S100G: variants seen among roughly 807,000 people sequenced by gnomAD.
S100G encodes the protein protein S100-G.
A neutral mutation model predicts 4.4 loss-of-function variants in S100G; 4 were observed. The ratio of observed to expected loss-of-function variants is 0.91; its 90% CI spans 0.45 to 2.09. S100G has a LOEUF of 2.09. Ranked by LOEUF, S100G falls within the 30% of genes most tolerant of loss-of-function variation. The pLI is 0.03. For synonymous variants in S100G, 24 were observed against 20.1 expected (o/e 1.20, Z -0.53); for missense variants, 48 against 49.8 (o/e 0.96, Z 0.11).
chrX:16,651,712 G>T (rs994453500), intron 2 of S100G, among the ~76,000 whole-genome samples: 13 of 112,131 alleles, frequency 1.2e-4, no homozygotes, highest in Non-Finnish European at 3.8e-5. Context: ...TTCAAGAAAG[G>T]ACTAAATTTC....
intron 2 of S100G, among the ~76,000 whole-genome samples, chrX:16,652,025 G>C (rs769556636): frequency 1.8e-5 from 2 of 109,673 alleles, no homozygotes; most frequent in Non-Finnish European, 3.8e-5. Flanking sequence ...GGATGGGGGG[G>C]GCCAGTGGAT....
Position 16,654,390 on chromosome X carries a change from T to C in S100G, c.136-15T>C. ...TTCTCCCCTCCCTTCTCCCATCCTT[T>C]TTTATGTAAAACAGGGTCCAAACAC... is the stretch of plus-strand genomic sequence containing the variant. On this transcript the variant is annotated splice_polypyrimidine_tract_variant and intron_variant, in intron 2 of 2. Transcript: ENST00000380200. The C allele has an allele frequency of 9.1e-7, 1 of 1,103,220 alleles. No individual in the cohort carries two copies. The highest frequency in any genetic ancestry group is 1.8e-5 in the African/African-American group (1 of 54,496). The allele number at this position is 1,103,220 out of a possible 1,213,427, so 90.9% of individuals were successfully genotyped here.
Position 16,654,464 on chromosome X carries a change from T to A in S100G, c.195T>A (p.Val65=). ...QELDKNGDGE[V]SFEEFQVLVK... Reference sequence around the variant, plus strand: ...TGGACAAGAATGGAGATGGAGAAGTTAGTTTTGAAGAATTCCAAGTATTAG... The same window carrying A: ...TGGACAAGAATGGAGATGGAGAAGTAAGTTTTGAAGAATTCCAAGTATTAG... The change falls in exon 3 of 3, where the codon GTT becomes GTA. Residue 65 remains valine (V), a synonymous_variant. Coordinates refer to ENST00000380200, the MANE Select transcript of S100G (RefSeq NM_004057.3). 8.3e-7 allele frequency: 1 copy of A among 1,202,449 alleles called. No individual in the cohort carries two copies. Among genetic ancestry groups the A allele is most frequent in the South Asian group, 1.8e-5 (1 of 56,221 alleles).
intron 2 of S100G, among the ~76,000 whole-genome samples, chrX:16,653,112 A>G (rs1302597665): frequency 9.1e-6 from 1 of 110,161 alleles, no homozygotes; most frequent in Non-Finnish European, 1.9e-5. Flanking sequence ...ATATATACAT[A>G]TATATATATA....
At chrX:16,653,066 C>A (rs1290189364) in intron 2 of S100G, among the ~76,000 whole-genome samples, 2 of 110,275 alleles carry the variant, frequency 1.8e-5, no homozygotes, top group Non-Finnish European at 3.8e-5. Context: ...TGATTAAGAG[C>A]GTAAATTCAA....
At chrX:16,652,545 G>A (rs1164159256) in intron 2 of S100G, among the ~76,000 whole-genome samples, 1 of 112,039 alleles carries the variant, frequency 8.9e-6, no homozygotes, top group Admixed American at 9.5e-5. Context: ...AAACAAGTTA[G>A]TGAAAAAATT....
chrX:16,651,028 G>A lies in S100G; in HGVS notation c.22G>A (p.Glu8Lys). Residue 8 changes from glutamate to lysine, a missense_variant, in exon 2 of 3, where the codon GAG becomes AAG. By Grantham distance (56) the Glu-to-Lys change is moderately conservative (BLOSUM62 1). Coordinates refer to ENST00000380200, the MANE Select transcript of S100G (RefSeq NM_004057.3). Reference sequence around the variant, plus strand: ...CAGAATGAGTACTAAAAAGTCTCCTGAGGAACTGAAGAGGATTTTTGAAAA... The same window carrying A: ...CAGAATGAGTACTAAAAAGTCTCCTAAGGAACTGAAGAGGATTTTTGAAAA... MSTKKSP[E>K]ELKRIFEKYA... The A allele has an allele frequency of 8.3e-7, 1 of 1,206,147 alleles. No individual in the cohort carries two copies. The highest frequency in any genetic ancestry group is 1.1e-6 in the Non-Finnish European group (1 of 890,874).
chrX:16,653,480 C>T (rs1243724698), intron 2 of S100G, among the ~76,000 whole-genome samples: 1 of 111,963 alleles, frequency 8.9e-6, no homozygotes, highest in Non-Finnish European at 1.9e-5. Context: ...TGTGGTGGCA[C>T]ACGCCTTTAG....
At chrX:16,652,109 C>T (rs985340693) in intron 2 of S100G, among the ~76,000 whole-genome samples, 13 of 111,575 alleles carry the variant, frequency 1.2e-4, no homozygotes, top group Non-Finnish European at 2.4e-4. Context: ...TAGCTGAAGG[C>T]AGGCCAGGTG....
intron 2 of S100G, among the ~76,000 whole-genome samples, chrX:16,652,147 A>T (rs1437282118): frequency 8.9e-6 from 1 of 111,946 alleles, no homozygotes; most frequent in Admixed American, 9.5e-5. Flanking sequence ...GTCAGATACA[A>T]GGACAGAGAG....
chrX:16,652,163 C>G (rs1259694221), intron 2 of S100G, among the ~76,000 whole-genome samples: 1 of 111,582 alleles, frequency 9.0e-6, no homozygotes, highest in Non-Finnish European at 1.9e-5. Flanking sequence ...GAGAGGGAAG[C>G]CCAAGGTCAG....
intron 2 of S100G, among the ~76,000 whole-genome samples, chrX:16,653,315 G>T (rs1194720659): frequency 1.8e-5 from 2 of 111,559 alleles, no homozygotes; most frequent in African/African-American, 3.2e-5. Context: ...GCCTGCACAC[G>T]ATCTCACACG....
In S100G at chrX:16,654,581, TC is replaced by T; in HGVS notation, c.*77del. The T allele has an allele frequency of 1.9e-6, 1 of 533,202 alleles. No homozygotes were observed. The allele number at this position is 533,202 out of a possible 1,213,427, so 43.9% of individuals were successfully genotyped here. On this transcript the variant is annotated 3_prime_UTR_variant, in exon 3 of 3. Transcript: ENST00000380200. ...TGCTGTGGTCTTATCCTATGTGGAA[TC>T]CCCCAAAGTCTCTGGTTTAATTCTT... is the stretch of plus-strand genomic sequence containing the variant.
At position 16,654,573 on chromosome X, in the gene S100G, A is replaced by C; in HGVS notation, c.*64A>C. 1 of 603,053 alleles carries C rather than the reference A, an allele frequency of 1.7e-6. No homozygotes were observed. The highest frequency in any genetic ancestry group is 2.6e-6 in the Non-Finnish European group (1 of 384,381). The allele number at this position is 603,053 out of a possible 1,213,427, so 49.7% of individuals were successfully genotyped here. A position where few individuals can be genotyped will look rare whatever the true frequency, so the allele number is the denominator to read the frequency against. On this transcript the variant is annotated 3_prime_UTR_variant, in exon 3 of 3. Coordinates refer to ENST00000380200, the MANE Select transcript of S100G (RefSeq NM_004057.3). ...AGCGCCTGTGCTGTGGTCTTATCCT[A>C]TGTGGAATCCCCCAAAGTCTCTGGT...
chrX:16,651,703 T>A (rs1347024144), intron 2 of S100G, among the ~76,000 whole-genome samples: 1 of 112,282 alleles, frequency 8.9e-6, no homozygotes, highest in Non-Finnish European at 1.9e-5. Flanking sequence ...TAAACAACTT[T>A]CAAGAAAGGA....
At chrX:16,650,511 C>CTTTT (rs1167079038) in intron 1 of S100G, among the ~76,000 whole-genome samples, 12 of 77,153 alleles carry the variant, frequency 1.6e-4, no homozygotes, top group East Asian at 4.0e-4. Flanking sequence ...TCTAAGATGT[C>CTTTT]TTTTTTTTTT....
At chrX:16,652,866 G>C (rs768415878) in intron 2 of S100G, among the ~76,000 whole-genome samples, 1 of 111,459 alleles carries the variant, frequency 9.0e-6, no homozygotes, top group African/African-American at 3.3e-5. Flanking sequence ...TCTAGTAAAG[G>C]CTTCAGGAAA....
intron 2 of S100G, among the ~76,000 whole-genome samples, chrX:16,651,966 T>C (rs1371836573): frequency 1.9e-5 from 2 of 106,797 alleles, no homozygotes; most frequent in South Asian, 4.4e-4. Flanking sequence ...GGGAGAGAGA[T>C]TGGGCTCAAC....
rs1932772333 is a variant in S100G, at chrX:16,654,482, A to T, written c.213A>T (p.Gln71His). 8.4e-7 allele frequency: 1 copy of T among 1,187,824 alleles called. No individual in the cohort carries two copies. The highest frequency in any genetic ancestry group is 1.1e-6 in the Non-Finnish European group (1 of 876,198). Residue 71 changes from glutamine (Q) to histidine (H), a missense_variant, in exon 3 of 3, where the codon CAA (glutamine) becomes CAT (histidine). By Grantham distance (24) the Gln-to-His change is conservative. Transcript: ENST00000380200. ...GDGEVSFEEF[Q>H]VLVKKISQ ...GAGAAGTTAGTTTTGAAGAATTCCA[A>T]GTATTAGTAAAAAAGATATCCCAGT...
Sources: gnomAD v4.1 joint callset for allele counts (sites outside exome capture counted in the v4.1 genomes callset) on GRCh38, gnomAD v4.1.1 for gene constraint, MANE v1.5 for transcripts, NCBI Gene and HGNC (gene_info 2026-07-23, HGNC 2026-07-21) for gene names.